The following SYCE1 variants were observed in gnomAD, a reference collection of about 807,000 sequenced individuals.
SYCE1 encodes the protein synaptonemal complex central element protein 1.
SYCE1 carries 37 observed loss-of-function variants against 55.1 expected under a neutral mutation model. The ratio of observed to expected loss-of-function variants is 0.67; its 90% confidence interval spans 0.52 to 0.88. SYCE1 has a LOEUF of 0.88. Ranked by LOEUF, SYCE1 falls within the 40% of genes least tolerant of loss-of-function variation. The probability of loss-of-function intolerance (pLI) is 0.00; values close to 1 mark genes in which losing one functional copy is unlikely to be tolerated. For missense variants in SYCE1, 399 were observed against 416.4 expected (o/e 0.96, Z 0.36); for synonymous variants, 163 against 159.4 (o/e 1.02, Z -0.17).
intron 7 of SYCE1, 95 bp downstream of exon 7, chr10:133,556,972 T>C (rs1327486465): frequency 3.3e-5 from 49 of 1,485,666 alleles, no homozygotes; most frequent in Non-Finnish European, 4.3e-5. Context: ...TGAATCTCCA[T>C]GGCTCAGTGT....
At chr10:133,563,215 T>C (rs1851855465) in intron 1 of SYCE1, among the ~76,000 whole-genome samples, 1 of 152,208 alleles carries the variant, frequency 6.6e-6, no homozygotes, top group Non-Finnish European at 1.5e-5. Flanking sequence ...CATCTTATTT[T>C]CTAAGACTAT....
intron 2 of SYCE1, chr10:133,559,778 T>C (rs1851778885): frequency 4.8e-6 from 2 of 420,116 alleles, no homozygotes; most frequent in Non-Finnish European, 4.3e-6. Flanking sequence ...AAAGAGGGAG[T>C]AGCGGGTGAG....
upstream of SYCE1, chr10:133,565,607 G>A (rs924956368): frequency 7.6e-6 from 11 of 1,438,768 alleles, no homozygotes; most frequent in Middle Eastern, 1.8e-4. Flanking sequence ...CTGGGGGCAG[G>A]ACTCCAGGCA....
chr10:133,557,013 T>A, intron 7 of SYCE1, 54 bp downstream of exon 7: 1 of 1,563,460 alleles, frequency 6.4e-7, no homozygotes, highest in Non-Finnish European at 8.8e-7. Flanking sequence ...ATCTTTGACA[T>A]TATATCCCAA....
rs1389508178 is a variant in SYCE1, at chr10:133,558,242, C to T, written c.272-28G>A. The T allele has an allele frequency of 4.4e-5, 71 of 1,613,558 alleles. 1 individual carries two copies. Among genetic ancestry groups the T allele is most frequent in the Non-Finnish European group, 5.9e-5 (70 of 1,179,564 alleles). On this transcript the variant is annotated intron_variant, in intron 4 of 12. Transcript: ENST00000343131. Reference sequence around the variant, plus strand: ...AGAAAACAGTGACACATTTTGGCATCAGGGACTATGCACTGCACCCTCAGG... The same window carrying T: ...AGAAAACAGTGACACATTTTGGCATTAGGGACTATGCACTGCACCCTCAGG...
chr10:133,560,356 T>C, intron 1 of SYCE1: 1 of 471,198 alleles, frequency 2.1e-6, no homozygotes, highest in Non-Finnish European at 3.7e-6. Flanking sequence ...ATATCCTCTT[T>C]GTAAAACTCT....
intron 7 of SYCE1, 120 bp from the exon 8 acceptor site, chr10:133,556,942 T>C (rs1851699111): frequency 2.7e-6 from 4 of 1,483,740 alleles, no homozygotes; most frequent in Non-Finnish European, 3.8e-6. Flanking sequence ...TCTGCTCCAC[T>C]GGGAACATCT....
chr10:133,565,125 C>T (rs1851896594), intron 1 of SYCE1, among the ~76,000 whole-genome samples: 1 of 152,170 alleles, frequency 6.6e-6, no homozygotes, highest in African/African-American at 2.4e-5. Context: ...TTAGGAATTC[C>T]CTTGGGATTG....
chr10:133,561,336 T>C (rs1589969756), intron 1 of SYCE1: 1 of 152,214 alleles, frequency 6.6e-6, no homozygotes. Context: ...TTGAGCTATC[T>C]TTATGGTTCA....
chr10:133,558,560 A>G (rs1297638353), intron 4 of SYCE1: 3 of 526,866 alleles, frequency 5.7e-6, no homozygotes, highest in Non-Finnish European at 1.0e-5. Flanking sequence ...CCATCTTTAA[A>G]TGGGATGATT....
intron 2 of SYCE1, 90 bp from the exon 3 acceptor site, chr10:133,559,450 G>C (rs1851768673): frequency 7.8e-7 from 1 of 1,287,202 alleles, no homozygotes; most frequent in East Asian, 2.3e-5. Context: ...ACGCAACACA[G>C]ATCTATTGAG....
chr10:133,566,988 C>T (rs962638608), upstream of SYCE1, among the ~76,000 whole-genome samples: 2 of 150,854 alleles, frequency 1.3e-5, no homozygotes, highest in Admixed American at 6.6e-5. Context: ...TTAGGGGTAG[C>T]GTTGTGTGTT....
At chr10:133,556,847 G>A in intron 7 of SYCE1, 25 bp from the exon 8 acceptor site, 1 of 1,602,016 alleles carries the variant, frequency 6.2e-7, no homozygotes. Flanking sequence ...CAGGCATGAG[G>A]GGATATGGGC....
intron 4 of SYCE1, 58 bp from the exon 5 acceptor site, chr10:133,558,272 G>A: frequency 2.5e-6 from 4 of 1,590,830 alleles, no homozygotes; most frequent in Non-Finnish European, 3.5e-6. Context: ...CTCAGGGATG[G>A]GGCTTGCTCA....
chr10:133,565,792 C>T (rs1044221420), upstream of SYCE1, among the ~76,000 whole-genome samples: 16 of 152,268 alleles, frequency 1.1e-4, no homozygotes, highest in African/African-American at 3.9e-4. Context: ...GCCGGGTGCC[C>T]CCGCGCATGT....
In SYCE1 at chr10:133,565,379, C is replaced by A. The variant is rs1171681522; in HGVS notation, c.73+78G>T. On this transcript the variant is annotated intron_variant, in intron 1 of 12. Coordinates refer to ENST00000343131, the MANE Select transcript of SYCE1 (RefSeq NM_001143764.3). ...CATCAGGACTGACAGGAAGAAGCAG[C>A]CGCCACCCGCGCCCCAACCCTGCCC... The A allele has an allele frequency of 6.8e-6, 9 of 1,316,104 alleles. No individual in the cohort carries two copies. The East Asian group carries it at 2.6e-4, about 38-fold the overall frequency. The allele number at this position is 1,316,104 out of a possible 1,614,324, so 81.5% of individuals were successfully genotyped here. A position where few individuals can be genotyped will look rare whatever the true frequency, so the allele number is the denominator to read the frequency against.
At chr10:133,557,517 T>C (rs1170007692) in intron 6 of SYCE1, 4 of 483,690 alleles carry the variant, frequency 8.3e-6, no homozygotes, top group Non-Finnish European at 1.1e-5. Flanking sequence ...GAAAAGATAA[T>C]GGATGAATGG....
intron 6 of SYCE1, chr10:133,557,574 G>C (rs1012419585): frequency 1.9e-6 from 1 of 530,976 alleles, no homozygotes; most frequent in East Asian, 3.3e-5. Flanking sequence ...TGAACAGACA[G>C]ATGAGTGAAT....
upstream of SYCE1, chr10:133,567,844 C>G (rs1400880313): frequency 2.5e-6 from 1 of 403,498 alleles, no homozygotes; most frequent in South Asian, 1.9e-5. Context: ...CATCCTGGAG[C>G]AGGTGGGGCA....
Sources: allele counts gnomAD v4.1 joint callset (sites outside exome capture counted in the v4.1 genomes callset), GRCh38; gene constraint gnomAD v4.1.1; transcripts MANE v1.5; gene names NCBI Gene and HGNC (gene_info 2026-07-23, HGNC 2026-07-21).